The following DLST variants were observed in gnomAD, a reference collection of about 807,000 sequenced individuals.
DLST encodes dihydrolipoyllysine-residue succinyltransferase component of 2-oxoglutarate dehydrogenase complex, mitochondrial.
A neutral mutation model predicts 53.1 loss-of-function variants in DLST; 17 were observed. The ratio of observed to expected loss-of-function variants is 0.32; its 90% CI spans 0.22 to 0.48. The LOEUF (loss-of-function observed/expected upper bound fraction) is 0.48. DLST is among the 20% of genes least tolerant of loss of function. The pLI is 0.99. For missense variants in DLST, 512 were observed against 583.9 expected, an observed-to-expected ratio of 0.88 and a Z score of 1.27; for synonymous variants, 206 against 204.8, an observed-to-expected ratio of 1.01 and a Z score of -0.05.
At position 74,888,580 on chromosome 14, in the gene DLST, G is replaced by A. The variant is rs115875408; in HGVS notation, c.147-515G>A. Among the ~76,000 whole-genome samples the A allele has an allele frequency of 2.9e-3, 443 of 152,260 alleles. 4 individuals are homozygous for A. The highest frequency in any genetic ancestry group is 0.01 in the African/African-American group (429 of 41,538). ...TAAAAAAATTATCTGGGTGGCATGT[G>A]CCTGTAGTCCCAGCTACCCGGGAGG... On this transcript the variant is annotated intron_variant, in intron 3 of 14. Transcript: ENST00000334220.
chr14:74,886,339 T>G (rs1325214608), intron 3 of DLST, among the ~76,000 whole-genome samples: 1 of 152,208 alleles, frequency 6.6e-6, no homozygotes, highest in African/African-American at 2.4e-5. Context: ...TTGTTGTTGT[T>G]GTTTTGAGAC....
At chr14:74,884,491 T>C (rs577095680) in intron 2 of DLST, among the ~76,000 whole-genome samples, 11 of 152,332 alleles carry the variant, frequency 7.2e-5, no homozygotes, top group East Asian at 5.8e-4. Flanking sequence ...GTCCTACTTA[T>C]ATGAAATGGG....
In DLST at chr14:74,903,148, G is replaced by C. The variant is rs899991935; in HGVS notation, c.*818G>C. On this transcript the variant is annotated 3_prime_UTR_variant, in exon 15 of 15. Coordinates refer to ENST00000334220, the MANE Select transcript of DLST (RefSeq NM_001933.5). Reference sequence around the variant, plus strand: ...ATTCTAGCACCTTGTTCTTAGAGCAGATTCTAGCACATCATGGCAGTGGGA... The same window carrying C: ...ATTCTAGCACCTTGTTCTTAGAGCACATTCTAGCACATCATGGCAGTGGGA... 6.5e-6 allele frequency: 1 copy of C among 152,758 alleles called. No homozygotes were observed. Among genetic ancestry groups the C allele is most frequent in the African/African-American group, 2.4e-5 (1 of 41,456 alleles). The allele number at this position is 152,758 out of a possible 1,614,324, so 9.5% of individuals were successfully genotyped here.
Position 74,889,255 on chromosome 14 carries a change from C to T in DLST, c.200-20C>T, listed in dbSNP as rs778326717. On this transcript the variant is annotated intron_variant, in intron 4 of 14. Transcript: ENST00000334220. The stretch of plus-strand genomic sequence containing the variant: ...GGAAAAATGAACTACTTATGATTTT[C>T]TTTTTTGCATTTTTCCTAGAGGATG... The T allele has an allele frequency of 6.2e-7, 1 of 1,610,698 alleles. No homozygotes were observed. Among genetic ancestry groups the T allele is most frequent in the Admixed American group, 1.7e-5 (1 of 59,412 alleles).
intron 4 of DLST, 52 bp from the exon 5 acceptor site, chr14:74,889,223 T>G (rs930738098): frequency 6.2e-7 from 1 of 1,606,422 alleles, no homozygotes; most frequent in Non-Finnish European, 8.5e-7. Context: ...AAGAAAAATA[T>G]TAAAAAGGAA....
rs201221488 is a variant in DLST, at chr14:74,881,947, C to T, written c.-7C>T. The T allele has an allele frequency of 6.8e-5, 105 of 1,549,782 alleles. No homozygotes were observed. The highest frequency in any genetic ancestry group is 5.7e-4 in the South Asian group (49 of 85,254). On this transcript the variant is annotated 5_prime_UTR_variant, in exon 1 of 15. Transcript: ENST00000334220. ...GGTGTCCGCCCGCCCTCGGCTCCTC[C>T]GCCGTGATGCTGTCCCGATCCCGCT...
rs1378819977 is a variant in DLST at position 74,894,419 on chromosome 14, C to G, written c.770+10C>G. 5 of 1,613,750 alleles carry G rather than the reference C, an allele frequency of 3.1e-6. No individual in the cohort carries two copies. Among genetic ancestry groups the G allele is most frequent in the Non-Finnish European group, 4.2e-6 (5 of 1,179,796 alleles). On this transcript the variant is annotated intron_variant, in intron 10 of 14. Coordinates refer to ENST00000334220, the MANE Select transcript of DLST (RefSeq NM_001933.5). Reference sequence around the variant, plus strand: ...ATGAGATTGACATGAGGTAGTGTCTCTAGTCCCTCTTATCCCCTAGGCCCC... The same window carrying G: ...ATGAGATTGACATGAGGTAGTGTCTGTAGTCCCTCTTATCCCCTAGGCCCC...
Position 74,889,098 on chromosome 14 carries a change from T to G in DLST, c.150T>G (p.Ile50Met), listed in dbSNP as rs1883806952. The change falls in exon 4 of 15, where the codon ATT becomes ATG. Residue 50 changes from isoleucine (I) to methionine (M), a missense_variant. Physicochemically the swap from Ile to Met is conservative, Grantham distance 10 (BLOSUM62 1). Coordinates refer to ENST00000334220, the MANE Select transcript of DLST (RefSeq NM_001933.5). ...TTAACGTGTGTTTCTTTTGTAGCATTAACAACAGTGTCTTCAGTGTTCGCT... is the reference window on the plus strand; with the variant it reads ...TTAACGTGTGTTTCTTTTGTAGCATGAACAACAGTGTCTTCAGTGTTCGCT... ...PGYPNSRKVV[I>M]NNSVFSVRFF... The G allele has an allele frequency of 6.2e-7, 1 of 1,614,012 alleles. No homozygotes were observed. The highest frequency in any genetic ancestry group is 8.5e-7 in the Non-Finnish European group (1 of 1,180,028).
At chr14:74,900,048 T>C in intron 12 of DLST, 52 bp downstream of exon 12, 1 of 1,398,604 alleles carries the variant, frequency 7.1e-7, no homozygotes, top group Non-Finnish European at 1.0e-6. Context: ...TCACCTTATC[T>C]GTGTGAAGGA....
chr14:74,889,724 C>G (rs1321579131), intron 5 of DLST, 173 bp from the exon 6 acceptor site: 24 of 620,898 alleles, frequency 3.9e-5, no homozygotes, highest in Non-Finnish European at 5.6e-6. Flanking sequence ...TAAAATTCTC[C>G]CCTCCCCTCA....
intron 2 of DLST, among the ~76,000 whole-genome samples, chr14:74,885,000 A>G (rs1180782054): frequency 5.3e-5 from 8 of 152,206 alleles, no homozygotes; most frequent in Admixed American, 5.2e-4. Context: ...AGACTTCAGA[A>G]AGGCATGGGA....
In DLST at chr14:74,898,424, C is replaced by T; in HGVS notation, c.826C>T (p.Leu276Phe). The change falls in exon 11 of 15, where the codon CTC (leucine) becomes TTC (phenylalanine). Residue 276 changes from leucine to phenylalanine, a missense_variant. By Grantham distance (22) the Leu-to-Phe change is conservative (BLOSUM62 0). Transcript: ENST00000334220. ...HKEAFLKKHNLKLGFMSAFVK... is the reference protein window; with the variant it reads ...HKEAFLKKHNFKLGFMSAFVK... ...AGAGGCTTTTTTGAAGAAACATAAC[C>T]TCAAACTAGGCTTCATGTCGGCATT... 7 of 1,613,692 alleles carry T rather than the reference C, an allele frequency of 4.3e-6. No homozygotes were observed. The highest frequency in any genetic ancestry group is 5.9e-6 in the Non-Finnish European group (7 of 1,180,028).
At chr14:74,891,359 TA>T (rs201912694) in intron 7 of DLST, 192 bp downstream of exon 7, 16,141 of 1,347,862 alleles carry the variant, frequency 0.012, 109 homozygotes, top group Non-Finnish European at 0.014. Context: ...GTGTATTTTT[TA>T]AAAAATAAAC....
At position 74,889,476 on chromosome 14, in the gene DLST, C is replaced by A. The variant is rs765962437; in HGVS notation, c.274+127C>A. ...CTCTGCCTCCCAGGTTCAAGTGATT[C>A]TCCTGCCTCAGCCTCCCGAATAGCT... On this transcript the variant is annotated intron_variant, in intron 5 of 14. Coordinates refer to ENST00000334220, the MANE Select transcript of DLST (RefSeq NM_001933.5). The A allele has an allele frequency of 9.2e-6, 7 of 761,126 alleles. No homozygotes were observed. The Admixed American group carries it at 2.1e-4, about 23-fold the overall frequency. The allele number at this position is 761,126 out of a possible 1,614,324, so 47.1% of individuals were successfully genotyped here. A position where few individuals can be genotyped will look rare whatever the true frequency, so the allele number is the denominator to read the frequency against.
In DLST at chr14:74,885,587, G is replaced by A. The variant is rs200699875; in HGVS notation, c.99G>A (p.Gly33=). The A allele has an allele frequency of 1.2e-5, 19 of 1,613,934 alleles. No homozygotes were observed. In the African/African-American group the frequency reaches 1.5e-4, roughly 12 times the overall value. The part of the protein sequence containing the change: ...NCPLGRRSLP[G]VSLCQGPGYP... The stretch of plus-strand genomic sequence containing the variant: ...TAAGAGTTATTTTGTTTCTTGCAGG[G>A]GTCTCCTTATGCCAGGGACCAGGTT... Residue 33 remains glycine (G), a splice_region_variant and synonymous_variant, in exon 3 of 15, where the codon GGG becomes GGA. Transcript: ENST00000334220.
chr14:74,900,736 G>GT (rs1384093701), intron 13 of DLST, among the ~76,000 whole-genome samples: 3 of 152,220 alleles, frequency 2.0e-5, no homozygotes, highest in East Asian at 3.9e-4. Flanking sequence ...TTGCTTTTTT[G>GT]TTTTTAGAGG....
At chr14:74,900,202 G>C in intron 12 of DLST, 87 bp from the exon 13 acceptor site, 1 of 1,249,096 alleles carries the variant, frequency 8.0e-7, no homozygotes, top group South Asian at 1.2e-5. Flanking sequence ...TTCTAGGGAG[G>C]GCATACCATG....
chr14:74,891,262 C>T, intron 7 of DLST, 95 bp downstream of exon 7: 2 of 1,561,200 alleles, frequency 1.3e-6, no homozygotes, highest in Non-Finnish European at 1.7e-6. Context: ...GTCAAAGACT[C>T]TTGTCATTCC....
intron 2 of DLST, among the ~76,000 whole-genome samples, chr14:74,883,766 G>A (rs752893380): frequency 6.6e-6 from 1 of 152,190 alleles, no homozygotes; most frequent in Non-Finnish European, 1.5e-5. Context: ...CCCAGCTGTT[G>A]ATAAGCCAGG....
Sources: gnomAD v4.1 joint callset for allele counts (sites outside exome capture counted in the v4.1 genomes callset) on GRCh38, gnomAD v4.1.1 for gene constraint, MANE v1.5 for transcripts, NCBI Gene and HGNC (gene_info 2026-07-23, HGNC 2026-07-21) for gene names.